The following PDE7B variants were observed in gnomAD, a reference collection of about 807,000 sequenced individuals.
PDE7B encodes phosphodiesterase 7B, also known as 3',5'-cyclic-AMP phosphodiesterase 7B.
Under a neutral mutation model 56.2 loss-of-function variants are expected in PDE7B, and 29 were observed. The ratio of observed to expected loss-of-function variants is 0.52; its 90% CI spans 0.38 to 0.70. PDE7B has a LOEUF of 0.70. PDE7B is among the 30% of genes least tolerant of loss of function. PDE7B has a pLI of 0.00. For synonymous variants in PDE7B, 197 were observed against 196.9 expected (o/e 1.00, Z 0.00); for missense variants, 490 against 565.0 (o/e 0.87, Z 1.35).
intron 3 of PDE7B, among the ~76,000 whole-genome samples, chr6:136,133,875 G>A (rs1158697016): frequency 6.6e-6 from 1 of 152,094 alleles, no homozygotes; most frequent in Non-Finnish European, 1.5e-5. Context: ...GAAGGAATGT[G>A]GGAATCCAGA....
intron 3 of PDE7B, among the ~76,000 whole-genome samples, chr6:136,145,811 G>C (rs978662032): frequency 3.3e-5 from 5 of 152,104 alleles, no homozygotes; most frequent in Non-Finnish European, 7.3e-5. Flanking sequence ...CTAGAACTCA[G>C]GACTTTTTGA....
chr6:135,869,918 T>C (rs1775341466), intron 1 of PDE7B, among the ~76,000 whole-genome samples: 1 of 152,112 alleles, frequency 6.6e-6, no homozygotes, highest in Admixed American at 6.5e-5. Context: ...TGAGCAGGCA[T>C]GGGAAGGTGA....
chr6:136,115,753 G>A (rs776708194), intron 3 of PDE7B, among the ~76,000 whole-genome samples: 3 of 152,164 alleles, frequency 2.0e-5, no homozygotes, highest in Non-Finnish European at 4.4e-5. Flanking sequence ...ATGCCAAGAA[G>A]GCCATGAAAC....
At chr6:136,181,484 T>C (rs1779066844) in intron 11 of PDE7B, among the ~76,000 whole-genome samples, 161 bp downstream of exon 11, 1 of 152,202 alleles carries the variant, frequency 6.6e-6, no homozygotes, top group Non-Finnish European at 1.5e-5. Context: ...CATCCAACCC[T>C]TTTTCGGAAA....
At chr6:135,857,739 T>C (rs1197385906) in intron 1 of PDE7B, among the ~76,000 whole-genome samples, 1 of 152,166 alleles carries the variant, frequency 6.6e-6, no homozygotes, top group Admixed American at 6.5e-5. Flanking sequence ...TGCAAAATCA[T>C]ACAATAGAAC....
chr6:136,066,903 G>A (rs984324166), intron 2 of PDE7B, among the ~76,000 whole-genome samples: 23 of 150,308 alleles, frequency 1.5e-4, no homozygotes, highest in African/African-American at 5.4e-4. Context: ...CCAGGCTGGA[G>A]CACAGTGGCA....
At chr6:136,038,290 A>G in intron 2 of PDE7B, 4 of 1,296,730 alleles carry the variant, frequency 3.1e-6, no homozygotes, top group Non-Finnish European at 4.0e-6. Flanking sequence ...CACAAGACAG[A>G]ATGCCTGTGC....
chr6:136,052,381 A>T (rs966658240), intron 2 of PDE7B, among the ~76,000 whole-genome samples: 8 of 152,226 alleles, frequency 5.3e-5, no homozygotes, highest in African/African-American at 1.9e-4. Context: ...TTTGATGAGG[A>T]CTGTCAGTCT....
At chr6:135,984,754 T>C (rs186953088) in intron 2 of PDE7B, among the ~76,000 whole-genome samples, 10 of 152,248 alleles carry the variant, frequency 6.6e-5, no homozygotes, top group African/African-American at 2.4e-4. Context: ...CTTCCTTACT[T>C]GTGTTGTTTG....
chr6:135,877,945 G>T (rs72971656), intron 1 of PDE7B, among the ~76,000 whole-genome samples: 1 of 152,246 alleles, frequency 6.6e-6, no homozygotes, highest in Non-Finnish European at 1.5e-5. Flanking sequence ...TTGGTTGAGG[G>T]TTACTAGAGC....
At chr6:135,945,741 G>C (rs750642591) in intron 1 of PDE7B, among the ~76,000 whole-genome samples, 6 of 152,154 alleles carry the variant, frequency 3.9e-5, no homozygotes, top group Non-Finnish European at 8.8e-5. Flanking sequence ...AGTGAATGTA[G>C]CTCATCTTCG....
At chr6:135,932,412 C>T (rs182491517) in intron 1 of PDE7B, among the ~76,000 whole-genome samples, 1 of 152,162 alleles carries the variant, frequency 6.6e-6, no homozygotes. Flanking sequence ...ACATTTCATA[C>T]ACCCCATAGA....
At position 136,093,452 on chromosome 6, in the gene PDE7B, C is replaced by T. The variant is rs141594941; in HGVS notation, c.83-15279C>T. On this transcript the variant is annotated intron_variant, in intron 2 of 12. Transcript: ENST00000308191. ...AATTAATTTTATGGATAAAGTACTC[C>T]AAAATACACCTCTCCCTAAAATACA... is the stretch of plus-strand genomic sequence containing the variant. Among the ~76,000 whole-genome samples, 666 of 152,264 alleles carry T rather than the reference C, an allele frequency of 4.4e-3. 4 individuals carry two copies. The highest frequency in any genetic ancestry group is 0.015 in the African/African-American group (635 of 41,554).
chr6:136,121,948 T>C (rs1771592454), intron 3 of PDE7B, among the ~76,000 whole-genome samples: 1 of 152,164 alleles, frequency 6.6e-6, no homozygotes, highest in South Asian at 2.1e-4. Context: ...TTACTAAATG[T>C]TAAGGGTTGG....
At position 136,192,199 on chromosome 6, in the gene PDE7B, C is replaced by G. The variant is rs1226343737; in HGVS notation, c.*359C>G. On this transcript the variant is annotated 3_prime_UTR_variant, in exon 13 of 13. Transcript: ENST00000308191. ...CAGGCAGCAATTCCTAAGTCCGGAG[C>G]GTTTGAGCGTTTGCTATCTGACTGC... The G allele has an allele frequency of 3.0e-5, 8 of 268,698 alleles. No homozygotes were observed. The highest frequency in any genetic ancestry group is 5.0e-5 in the Admixed American group (1 of 20,138). 16.6% of individuals were successfully genotyped at this position (268,698 alleles called of 1,614,324 possible). A position where few individuals can be genotyped will look rare whatever the true frequency, so the allele number is the denominator to read the frequency against.
chr6:136,104,655 T>G (rs17708273), intron 2 of PDE7B, among the ~76,000 whole-genome samples: 280 of 152,306 alleles, frequency 1.8e-3, no homozygotes, highest in African/African-American at 5.5e-3. Context: ...CATGAGCGCT[T>G]CCATTAAATA....
At chr6:135,863,945 A>G (rs1222119057) in intron 1 of PDE7B, among the ~76,000 whole-genome samples, 1 of 152,062 alleles carries the variant, frequency 6.6e-6, no homozygotes, top group Non-Finnish European at 1.5e-5. Context: ...AAGCAGTGAT[A>G]TATTTGGGTT....
rs1291947769 is a variant in PDE7B, at chr6:135,947,518, A to G, written c.76A>G (p.Met26Val). The change falls in exon 2 of 13, where the codon ATG becomes GTG. Residue 26 changes from methionine (M) to valine (V), a missense_variant. Physicochemically the swap from Met to Val is conservative, Grantham distance 21. Coordinates refer to ENST00000308191, the MANE Select transcript of PDE7B (RefSeq NM_018945.4). ...CGATCAGAATGCCAAATGTGTTTGC[A>G]TGCTGGGTAAGAAGGCTTCTCATTT... ...NPDQNAKCVC[M>V]LGDIRLRGQT... is the part of the protein sequence containing the mutation. 2 of 1,609,084 alleles carry G rather than the reference A, an allele frequency of 1.2e-6. No individual in the cohort carries two copies. The highest frequency in any genetic ancestry group is 1.7e-6 in the Non-Finnish European group (2 of 1,175,614).
intron 2 of PDE7B, chr6:136,037,525 G>C: frequency 1.0e-6 from 1 of 985,452 alleles, no homozygotes; most frequent in African/African-American, 1.7e-5. Context: ...CACTGGTCTT[G>C]GTGACTGGGC....
Sources: allele counts gnomAD v4.1 joint callset (sites outside exome capture counted in the v4.1 genomes callset), GRCh38; gene constraint gnomAD v4.1.1; transcripts MANE v1.5; gene names NCBI Gene and HGNC (gene_info 2026-07-23, HGNC 2026-07-21).